The following ZSCAN5A variants were observed in gnomAD, a reference collection of about 807,000 sequenced individuals.
ZSCAN5A encodes the protein zinc finger and SCAN domain-containing protein 5A.
A neutral mutation model predicts 23.7 loss-of-function variants in ZSCAN5A; 12 were observed. The ratio of observed to expected loss-of-function variants is 0.51; its 90% CI spans 0.32 to 0.82. The LOEUF (loss-of-function observed/expected upper bound fraction) is 0.82, where lower values mean the gene tolerates loss of function less well. Among genes scored for constraint, ZSCAN5A ranks in the 40% least tolerant of loss-of-function variants. The pLI is 0.03. For synonymous variants in ZSCAN5A, 257 were observed against 239.9 expected (o/e 1.07, Z -0.66); for missense variants, 597 against 617.9 (o/e 0.97, Z 0.36).
At chr19:56,236,166 C>T (rs1341377340) in intron 2 of ZSCAN5A, among the ~76,000 whole-genome samples, 2 of 28,242 alleles carry the variant, frequency 7.1e-5, no homozygotes, top group Admixed American at 2.9e-4. Context: ...CAAGTCTCCA[C>T]TCCAGCCTCT....
intron 2 of ZSCAN5A, among the ~76,000 whole-genome samples, chr19:56,252,238 T>C (rs2036394852): frequency 6.6e-6 from 1 of 152,172 alleles, no homozygotes; most frequent in Non-Finnish European, 1.5e-5. Flanking sequence ...TATGGTTTTC[T>C]GGGAGAGAAA....
chr19:56,225,234 C>A (rs1015649166), intron 2 of ZSCAN5A, 61 bp from the exon 3 acceptor site: 3 of 1,381,604 alleles, frequency 2.2e-6, no homozygotes, highest in Non-Finnish European at 2.8e-6. Context: ...TCCCTCCCTT[C>A]GAAATCCCTC....
chr19:56,226,034 C>T (rs1197301621), intron 2 of ZSCAN5A, among the ~76,000 whole-genome samples: 1 of 152,138 alleles, frequency 6.6e-6, no homozygotes, highest in African/African-American at 2.4e-5. Context: ...CTTCATTAGG[C>T]AGGAGCCACT....
intron 2 of ZSCAN5A, chr19:56,263,741 G>A (rs1009132672): frequency 3.6e-4 from 55 of 152,120 alleles, no homozygotes; most frequent in African/African-American, 1.3e-3. Flanking sequence ...ACAAGGAATT[G>A]CGAAAATCAC....
At chr19:56,247,494 A>G (rs1360781595) in intron 2 of ZSCAN5A, 1 of 162,088 alleles carries the variant, frequency 6.2e-6, no homozygotes, top group Non-Finnish European at 1.4e-5. Flanking sequence ...AATGTGAAGG[A>G]TGATTTTTCA....
At chr19:56,344,609 A>T (rs1319438757) in intron 2 of ZSCAN5A, among the ~76,000 whole-genome samples, 1 of 151,804 alleles carries the variant, frequency 6.6e-6, no homozygotes, top group Non-Finnish European at 1.5e-5. Context: ...CGTCTCTATT[A>T]AAAAAAAGAT....
In ZSCAN5A at chr19:56,307,713, C is replaced by T. The variant is rs187225378; in HGVS notation, c.-128+5570G>A. On this transcript the variant is annotated intron_variant, in intron 2 of 5. Transcript: ENST00000683990. ...TGCCCTTCAGGTAATACAATTTTTT[C>T]CCCAAGGTCTGTATGTAAAACATGC... 2.7e-3 allele frequency among the ~76,000 whole-genome samples: 404 copies of T among 152,298 alleles called. 3 individuals carry two copies. Among genetic ancestry groups the T allele is most frequent in the Admixed American group, 6.4e-3 (98 of 15,298 alleles).
At chr19:56,254,068 T>TC (rs1464380670) in intron 2 of ZSCAN5A, among the ~76,000 whole-genome samples, 1 of 151,872 alleles carries the variant, frequency 6.6e-6, no homozygotes, top group Non-Finnish European at 1.5e-5. Flanking sequence ...TCTTTTTTTT[T>TC]TTTTTTAAAT....
At chr19:56,251,693 C>T (rs1184270260) in intron 2 of ZSCAN5A, among the ~76,000 whole-genome samples, 1 of 152,086 alleles carries the variant, frequency 6.6e-6, no homozygotes, top group Non-Finnish European at 1.5e-5. Flanking sequence ...GTGAAATAAG[C>T]CAGTCCAAGT....
chr19:56,318,231 C>CTT (rs35648605), upstream of ZSCAN5A, among the ~76,000 whole-genome samples: 5 of 148,824 alleles, frequency 3.4e-5, no homozygotes, highest in South Asian at 2.1e-4. Context: ...ACTTCACCAG[C>CTT]TTTTTTTTTT....
intron 2 of ZSCAN5A, among the ~76,000 whole-genome samples, chr19:56,234,066 C>T (rs751631): frequency 0.19 from 28,183 of 151,922 alleles, 3,096 homozygotes; most frequent in East Asian, 0.49. Context: ...ATTGTGTGTC[C>T]GGAGGCTGAA....
At chr19:56,342,799 G>T in intron 2 of ZSCAN5A, 1 of 760,080 alleles carries the variant, frequency 1.3e-6, no homozygotes, top group Non-Finnish European at 2.4e-6. Flanking sequence ...ACTGAACTGG[G>T]ACCAATCATA....
At chr19:56,328,846 T>A (rs2041460927) in intron 2 of ZSCAN5A, among the ~76,000 whole-genome samples, 1 of 144,530 alleles carries the variant, frequency 6.9e-6, no homozygotes, top group East Asian at 2.0e-4. Flanking sequence ...AAAAAAAAAA[T>A]TAGCTGGGCA....
intron 2 of ZSCAN5A, among the ~76,000 whole-genome samples, chr19:56,332,659 T>C (rs563681815): frequency 3.3e-5 from 5 of 152,354 alleles, no homozygotes; most frequent in East Asian, 1.9e-4. Flanking sequence ...ATTTATATTC[T>C]AGGTTAATAG....
At chr19:56,235,692 AC>A (rs2034850099) in intron 2 of ZSCAN5A, among the ~76,000 whole-genome samples, 1 of 9,338 alleles carries the variant, frequency 1.1e-4, no homozygotes. Context: ...CCTCTGATGG[AC>A]CGTGGGCCAA....
chr19:56,244,224 C>G (rs754159321), intron 2 of ZSCAN5A: 2 of 1,607,330 alleles, frequency 1.2e-6, no homozygotes, highest in African/African-American at 2.7e-5. Context: ...CCCATCCAGG[C>G]TCTGAGGAAA....
At chr19:56,305,052 G>A (rs368804834) in intron 2 of ZSCAN5A, among the ~76,000 whole-genome samples, 1 of 152,160 alleles carries the variant, frequency 6.6e-6, no homozygotes, top group Non-Finnish European at 1.5e-5. Context: ...GGGATGTGCC[G>A]GGCAGGAGGA....
chr19:56,338,926 C>T (rs187928859), intron 2 of ZSCAN5A, among the ~76,000 whole-genome samples: 20 of 152,270 alleles, frequency 1.3e-4, no homozygotes, highest in Admixed American at 4.6e-4. Flanking sequence ...GGGTTCAAAG[C>T]ATATATGGAA....
At chr19:56,342,587 A>T (rs1281886993) in intron 2 of ZSCAN5A, 2 of 395,442 alleles carry the variant, frequency 5.1e-6, no homozygotes, top group Non-Finnish European at 1.0e-5. Context: ...TGTCAAGCAG[A>T]AGCTGACTCT....
Sources: gnomAD v4.1 joint callset for allele counts (sites outside exome capture counted in the v4.1 genomes callset) on GRCh38, gnomAD v4.1.1 for gene constraint, MANE v1.5 for transcripts, NCBI Gene and HGNC (gene_info 2026-07-23, HGNC 2026-07-21) for gene names.